Variants in IARS2 observed in about 807,000 individuals in gnomAD.
IARS2 encodes isoleucyl-tRNA synthetase 2, mitochondrial, also known as isoleucine--tRNA ligase, mitochondrial.
IARS2 carries 56 observed loss-of-function variants against 126.3 expected under a neutral mutation model. The observed-to-expected ratio is 0.44, with a 90% CI of 0.36 to 0.55. The LOEUF is 0.55. Ranked by LOEUF, IARS2 falls within the 20% of genes least tolerant of loss-of-function variation. IARS2 has a pLI of 0.00. For synonymous variants in IARS2, 407 were observed against 441.1 expected (o/e 0.92, Z 0.97); for missense variants, 1,127 against 1,245.9 (o/e 0.90, Z 1.44).
chr1:220,111,959 A>G (rs1656811934), intron 11 of IARS2, among the ~76,000 whole-genome samples: 1 of 152,184 alleles, frequency 6.6e-6, no homozygotes, highest in African/African-American at 2.4e-5. Context: ...CTGACGCAAT[A>G]TATTTAAGCC....
chr1:220,126,652 TG>T, intron 13 of IARS2, 97 bp from the exon 14 acceptor site: 1 of 841,346 alleles, frequency 1.2e-6, no homozygotes, highest in African/African-American at 1.7e-5. Context: ...GTGAACTTCA[TG>T]GTTGCATTTC....
In IARS2 at chr1:220,134,418, A is replaced by C. The variant is rs1466748189; in HGVS notation, c.1854A>C (p.Ala618=). The C allele has an allele frequency of 1.2e-6, 2 of 1,604,650 alleles. No individual in the cohort carries two copies. The highest frequency in any genetic ancestry group is 1.7e-6 in the Non-Finnish European group (2 of 1,176,262). The change falls in exon 15 of 23, where the codon GCA becomes GCC. Residue 618 remains alanine (A), a synonymous_variant. Coordinates refer to ENST00000366922, the MANE Select transcript of IARS2 (RefSeq NM_018060.4). ...AATTTTGAGGTCCTGACCAAAGAGC[A>C]GATTTGTACTTGGAAGGAAAAGACC... ...SYVLPGPDQR[A]DLYLEGKDQL...
chr1:220,124,472 T>C (rs959531026), intron 12 of IARS2, among the ~76,000 whole-genome samples: 1 of 152,172 alleles, frequency 6.6e-6, no homozygotes, highest in Non-Finnish European at 1.5e-5. Context: ...ATCTTGTGTA[T>C]TTTGCCAACT....
intron 14 of IARS2, among the ~76,000 whole-genome samples, chr1:220,127,273 G>A (rs555936165): frequency 1.3e-5 from 2 of 152,268 alleles, no homozygotes; most frequent in East Asian, 1.9e-4. Flanking sequence ...AAACTAGAAC[G>A]CAAGTACCCT....
chr1:220,123,264 A>G (rs897983311), intron 12 of IARS2, among the ~76,000 whole-genome samples: 4 of 152,156 alleles, frequency 2.6e-5, no homozygotes, highest in South Asian at 2.1e-4. Context: ...CTGATAACAT[A>G]AAAGTTTATC....
chr1:220,094,503 G>C lies in IARS2; in HGVS notation c.267+20G>C. 1 of 1,566,402 alleles carries C rather than the reference G, an allele frequency of 6.4e-7. No homozygotes were observed. Among genetic ancestry groups the C allele is most frequent in the Non-Finnish European group, 8.6e-7 (1 of 1,158,980 alleles). On this transcript the variant is annotated intron_variant, in intron 1 of 22. Coordinates refer to ENST00000366922, the MANE Select transcript of IARS2 (RefSeq NM_018060.4). The stretch of plus-strand genomic sequence containing the variant: ...CAGCAGGTACGGGCCCCGCCTCGGC[G>C]CGGGGCCTCCAGAGAGGCCCGATCC...
intron 11 of IARS2, among the ~76,000 whole-genome samples, chr1:220,113,209 A>G (rs1270752412): frequency 6.6e-6 from 1 of 152,180 alleles, no homozygotes; most frequent in African/African-American, 2.4e-5. Context: ...ACCACCTTTA[A>G]AAAGTAATAG....
intron 10 of IARS2, among the ~76,000 whole-genome samples, chr1:220,107,663 T>A (rs1429714491): frequency 6.6e-6 from 1 of 151,854 alleles, no homozygotes; most frequent in African/African-American, 2.4e-5. Context: ...CTAGGGCTAC[T>A]GTAAAAAATC....
intron 22 of IARS2, among the ~76,000 whole-genome samples, chr1:220,146,790 G>C (rs992050839): frequency 1.3e-5 from 2 of 152,060 alleles, no homozygotes; most frequent in African/African-American, 4.8e-5. Context: ...TCTTGCCTCA[G>C]CCTCCCAAGT....
chr1:220,141,527 C>G (rs1017831988), intron 19 of IARS2, among the ~76,000 whole-genome samples: 1 of 152,214 alleles, frequency 6.6e-6, no homozygotes, highest in African/African-American at 2.4e-5. Flanking sequence ...ATACCATCAA[C>G]TAACTTATTC....
chr1:220,147,721 C>A lies in IARS2; in HGVS notation c.*86C>A. On this transcript the variant is annotated 3_prime_UTR_variant, in exon 23 of 23. Coordinates refer to ENST00000366922, the MANE Select transcript of IARS2 (RefSeq NM_018060.4). The stretch of plus-strand genomic sequence containing the variant: ...TTATTTACAATATAGGAAAGAAAGC[C>A]AAGATTTAGGTAATGAGTGGATGAG... 1 of 1,417,414 alleles carries A rather than the reference C, an allele frequency of 7.1e-7. No homozygotes were observed. The highest frequency in any genetic ancestry group is 9.7e-7 in the Non-Finnish European group (1 of 1,032,610). The allele number at this position is 1,417,414 out of a possible 1,614,324, so 87.8% of individuals were successfully genotyped here.
chr1:220,145,982 A>G lies in IARS2; in HGVS notation c.2896+329A>G, dbSNP rs911669359. Among the ~76,000 whole-genome samples the G allele has an allele frequency of 2.0e-5, 3 of 152,134 alleles. No individual in the cohort carries two copies. In the East Asian group the frequency reaches 5.8e-4, roughly 29 times the overall value. On this transcript the variant is annotated intron_variant, in intron 22 of 22. Coordinates refer to ENST00000366922, the MANE Select transcript of IARS2 (RefSeq NM_018060.4). ...TTTGTGTCCCCCTGCTTTGATACTT[A>G]GTACCCCAGTACTGGCCCAGTCCTG...
chr1:220,143,162 T>C, intron 21 of IARS2, 28 bp downstream of exon 21: 1 of 1,565,414 alleles, frequency 6.4e-7, no homozygotes, highest in Non-Finnish European at 8.8e-7. Context: ...CCTTTTGAAA[T>C]GGTGTTAGTA....
At chr1:220,096,970 CG>C (rs1355714930) in intron 2 of IARS2, among the ~76,000 whole-genome samples, 1 of 151,430 alleles carries the variant, frequency 6.6e-6, no homozygotes, top group Non-Finnish European at 1.5e-5. Context: ...GCCGTGAACC[CG>C]GGAGGCGGAG....
intron 19 of IARS2, among the ~76,000 whole-genome samples, chr1:220,141,464 C>T (rs1246100922): frequency 1.3e-5 from 2 of 152,192 alleles, no homozygotes; most frequent in African/African-American, 4.8e-5. Flanking sequence ...ATAACTCCTA[C>T]TCCTTCCCTT....
chr1:220,126,666 T>C, intron 13 of IARS2, 84 bp from the exon 14 acceptor site: 1 of 979,616 alleles, frequency 1.0e-6, no homozygotes, highest in Non-Finnish European at 1.6e-6. Context: ...TGCATTTCAT[T>C]TTCTGAAGAC....
intron 12 of IARS2, among the ~76,000 whole-genome samples, chr1:220,123,837 C>T (rs777991109): frequency 1.1e-4 from 17 of 152,170 alleles, no homozygotes; most frequent in African/African-American, 1.7e-4. Context: ...TTTTGGTAAA[C>T]ACTTCATTTA....
At chr1:220,114,967 T>TAATA (rs1656885143) in intron 12 of IARS2, among the ~76,000 whole-genome samples, 1 of 148,748 alleles carries the variant, frequency 6.7e-6, no homozygotes, top group African/African-American at 2.5e-5. Context: ...GTTGGAAAGG[T>TAATA]AATAGATGGA....
At chr1:220,125,871 C>A (rs1299758920) in intron 13 of IARS2, among the ~76,000 whole-genome samples, 2 of 151,926 alleles carry the variant, frequency 1.3e-5, no homozygotes, top group Non-Finnish European at 2.9e-5. Flanking sequence ...CTTTGGGAGG[C>A]CGAGGCGGGC....
Sources: gnomAD v4.1 joint callset for allele counts (sites outside exome capture counted in the v4.1 genomes callset) on GRCh38, gnomAD v4.1.1 for gene constraint, MANE v1.5 for transcripts, NCBI Gene and HGNC (gene_info 2026-07-23, HGNC 2026-07-21) for gene names.